KLF8: variants seen among roughly 807,000 people sequenced by gnomAD.
KLF8 encodes the protein KLF transcription factor 8, also known as Krueppel-like factor 8.
Under a neutral mutation model 18.2 loss-of-function variants are expected in KLF8, and 10 were observed. The observed-to-expected ratio is 0.55, with a 90% CI of 0.34 to 0.93. The LOEUF (loss-of-function observed/expected upper bound fraction) is 0.93, where lower values mean the gene tolerates loss of function less well. Among genes scored for constraint, KLF8 ranks in the 40% least tolerant of loss-of-function variants. The pLI, the probability that KLF8 is intolerant of heterozygous loss-of-function variation, is 0.02. For synonymous variants in KLF8, 109 were observed against 97.3 expected, an observed-to-expected ratio of 1.12 and a Z score of -0.71; for missense variants, 264 against 277.9, an observed-to-expected ratio of 0.95 and a Z score of 0.36.
chrX:56,185,542 C>T, the KLF8 span, among the ~76,000 whole-genome samples: 1 of 111,085 alleles, frequency 9.0e-6, no homozygotes, highest in East Asian at 2.8e-4. Context: ...AGATACTCCT[C>T]GAGAAGAGCA....
At chrX:56,209,137 G>T in the KLF8 span, among the ~76,000 whole-genome samples, 1 of 111,472 alleles carries the variant, frequency 9.0e-6, no homozygotes, top group Non-Finnish European at 1.9e-5. Context: ...GTTTGCTGTC[G>T]TGTTGGGTGC....
chrX:56,236,322 G>A (rs7058246), intron 1 of KLF8, among the ~76,000 whole-genome samples: 11,748 of 111,178 alleles, frequency 0.11, 1,089 homozygotes, highest in African/African-American at 0.3. Flanking sequence ...CTGTGCATTG[G>A]GGATAATAAT....
chrX:56,023,048 C>T, the KLF8 span, among the ~76,000 whole-genome samples: 1 of 111,125 alleles, frequency 9.0e-6, no homozygotes, highest in Admixed American at 9.6e-5. Flanking sequence ...ATAAGATGTC[C>T]ATAAGTGTGT....
the KLF8 span, among the ~76,000 whole-genome samples, chrX:56,171,532 C>T: frequency 9.0e-6 from 1 of 110,604 alleles, no homozygotes. Flanking sequence ...CTCCCTGAAC[C>T]CCACAACAGG....
At chrX:56,243,166 C>G in intron 1 of KLF8, 2 of 513,899 alleles carry the variant, frequency 3.9e-6, no homozygotes, top group South Asian at 4.5e-5. Flanking sequence ...CAGTGGTCAG[C>G]GGAAACTTGG....
At chrX:56,128,210 G>C in the KLF8 span, among the ~76,000 whole-genome samples, 1 of 112,212 alleles carries the variant, frequency 8.9e-6, no homozygotes, top group Admixed American at 9.4e-5. Context: ...TGAATAGGAA[G>C]AGCATGTGAA....
chrX:55,959,278 G>C, the KLF8 span, among the ~76,000 whole-genome samples: 2 of 112,074 alleles, frequency 1.8e-5, no homozygotes, highest in Non-Finnish European at 3.8e-5. Flanking sequence ...CCAAAACACA[G>C]CAACTTTGAA....
At chrX:56,073,201 A>T in the KLF8 span, among the ~76,000 whole-genome samples, 2 of 110,885 alleles carry the variant, frequency 1.8e-5, no homozygotes, top group Non-Finnish European at 3.8e-5. Flanking sequence ...GTTAGCCAGG[A>T]TGGTCTTGAT....
chrX:56,054,349 ACAT>A, the KLF8 span, among the ~76,000 whole-genome samples: 4 of 111,117 alleles, frequency 3.6e-5, no homozygotes, highest in African/African-American at 1.3e-4. Context: ...ATTTACCCAA[ACAT>A]CATTCAGGAG....
chrX:56,001,520 A>G, the KLF8 span, among the ~76,000 whole-genome samples: 2 of 112,139 alleles, frequency 1.8e-5, no homozygotes, highest in African/African-American at 6.5e-5. Context: ...AATGTTTTCT[A>G]TCAGTAAACA....
chrX:56,164,715 C>T, the KLF8 span, among the ~76,000 whole-genome samples: 118 of 60,152 alleles, frequency 2.0e-3, no homozygotes, highest in African/African-American at 3.4e-3. Context: ...TTTTTTTTTT[C>T]TTTCTTGTTA....
chrX:55,984,490 T>A, the KLF8 span, among the ~76,000 whole-genome samples: 1 of 111,919 alleles, frequency 8.9e-6, no homozygotes, highest in African/African-American at 3.2e-5. Context: ...GTACATGGTG[T>A]ATATGTATCA....
chrX:56,188,343 A>G, the KLF8 span, among the ~76,000 whole-genome samples: 1 of 111,779 alleles, frequency 8.9e-6, no homozygotes, highest in Non-Finnish European at 1.9e-5. Context: ...AAGGAGAGCT[A>G]CAAACCACTG....
chrX:56,136,528 T>G, the KLF8 span, among the ~76,000 whole-genome samples: 1 of 111,748 alleles, frequency 8.9e-6, no homozygotes, highest in Non-Finnish European at 1.9e-5. Flanking sequence ...TAATAAATGG[T>G]GCTGGGAAAA....
chrX:56,127,653 A>C, the KLF8 span, among the ~76,000 whole-genome samples: 2 of 111,068 alleles, frequency 1.8e-5, no homozygotes, highest in Admixed American at 9.6e-5. Context: ...GTGACAGAGC[A>C]AGGGCCCTGT....
At chrX:56,197,508 G>A in the KLF8 span, among the ~76,000 whole-genome samples, 17 of 111,467 alleles carry the variant, frequency 1.5e-4, no homozygotes, top group Non-Finnish European at 2.1e-4. Context: ...TAAATTCCTG[G>A]ACACATACAC....
chrX:56,215,822 CAAAAAAAAAAAAAAAAAAAAAAAAAAAA>C, the KLF8 span, among the ~76,000 whole-genome samples: 2 of 31,392 alleles, frequency 6.4e-5, no homozygotes, highest in African/African-American at 6.1e-4. Context: ...GACTCTGTCT[CAAAAAAAAAAAAAAAAAAAAAAAAAAAA>C]AAAAAAAAAA....
chrX:56,223,903 T>C, the KLF8 span, among the ~76,000 whole-genome samples: 1 of 111,546 alleles, frequency 9.0e-6, no homozygotes. Flanking sequence ...AGATTTTAGT[T>C]TTTATCTTAC....
At chrX:56,186,492 C>T in the KLF8 span, among the ~76,000 whole-genome samples, 1 of 110,540 alleles carries the variant, frequency 9.0e-6, no homozygotes, top group East Asian at 2.8e-4. Flanking sequence ...ACAAGTATAC[C>T]CAGGAATTGA....
Sources: gnomAD v4.1 joint callset for allele counts (sites outside exome capture counted in the v4.1 genomes callset) on GRCh38, gnomAD v4.1.1 for gene constraint, MANE v1.5 for transcripts, NCBI Gene and HGNC (gene_info 2026-07-23, HGNC 2026-07-21) for gene names.